Variants in CEP126 observed in about 807,000 individuals in gnomAD.
CEP126 encodes centrosomal protein of 126 kDa.
Under a neutral mutation model 107.8 loss-of-function variants are expected in CEP126, and 74 were observed. The ratio of observed to expected loss-of-function variants is 0.69; its 90% CI spans 0.57 to 0.83. The LOEUF (loss-of-function observed/expected upper bound fraction) is 0.83, where lower values mean the gene tolerates loss of function less well. Ranked by LOEUF, CEP126 falls within the 40% of genes least tolerant of loss-of-function variation. The pLI is 0.00. For missense variants in CEP126, 1,237 were observed against 1,281.9 expected (o/e 0.96, Z 0.53); for synonymous variants, 449 against 446.0 (o/e 1.01, Z -0.08).
chr11:101,986,182 C>T (rs1462444715), intron 8 of CEP126, among the ~76,000 whole-genome samples: 2 of 152,030 alleles, frequency 1.3e-5, no homozygotes, highest in African/African-American at 4.8e-5. Context: ...GAGGTTTCAC[C>T]ATGTTGGCCA....
At chr11:101,978,737 T>C (rs985377282) in intron 7 of CEP126, among the ~76,000 whole-genome samples, 2 of 152,176 alleles carry the variant, frequency 1.3e-5, no homozygotes, top group African/African-American at 4.8e-5. Flanking sequence ...TAGCCAATGC[T>C]GGAAAAAATG....
chr11:101,921,770 A>G (rs1365318204), intron 1 of CEP126, among the ~76,000 whole-genome samples: 7 of 130,936 alleles, frequency 5.3e-5, no homozygotes, highest in African/African-American at 1.7e-4. Context: ...TCTGAAGTTC[A>G]TGATTTCTTT....
intron 6 of CEP126, among the ~76,000 whole-genome samples, chr11:101,970,452 T>C (rs1373103366): frequency 3.3e-5 from 5 of 152,142 alleles, no homozygotes; most frequent in African/African-American, 1.2e-4. Context: ...GCTAGTAATA[T>C]TCAGTTTCTT....
At chr11:101,949,923 C>T (rs1279681401) in intron 4 of CEP126, among the ~76,000 whole-genome samples, 3 of 152,188 alleles carry the variant, frequency 2.0e-5, no homozygotes, top group Non-Finnish European at 4.4e-5. Context: ...ACTGCTAAAG[C>T]AAGCCCAGCA....
In CEP126 at chr11:101,986,864, G is replaced by C. The variant is rs759858774; in HGVS notation, c.3067G>C (p.Glu1023Gln). 9 of 1,613,838 alleles carry C rather than the reference G, an allele frequency of 5.6e-6. No individual in the cohort carries two copies. In the East Asian group the frequency reaches 8.9e-5, roughly 16 times the overall value. The change falls in exon 9 of 11, where the codon GAA becomes CAA. Residue 1023 changes from glutamate (E) to glutamine (Q), a missense_variant. Physicochemically the swap from Glu to Gln is conservative, Grantham distance 29. Around this residue, in one of 3 missense-constraint regions of CEP126, gnomAD observed 99 missense variants for 114.4 expected, o/e 0.87. Coordinates refer to ENST00000263468, the MANE Select transcript of CEP126 (RefSeq NM_020802.4). Reference sequence around the variant, plus strand: ...TAGTACTTCTGAGTTTTTGATGGCTGAAAACTTAGTGAAAGCATCAGTGCC... The same window carrying C: ...TAGTACTTCTGAGTTTTTGATGGCTCAAAACTTAGTGAAAGCATCAGTGCC... ...SDSTSEFLMA[E>Q]NLVKASVPED...
chr11:101,948,210 G>T, intron 4 of CEP126, 68 bp downstream of exon 4: 1 of 936,536 alleles, frequency 1.1e-6, no homozygotes, highest in Non-Finnish European at 1.6e-6. Context: ...TACTGTGCTT[G>T]TCAGCTTTTT....
chr11:101,971,590 T>C (rs1292613324), intron 6 of CEP126, among the ~76,000 whole-genome samples: 1 of 151,798 alleles, frequency 6.6e-6, no homozygotes, highest in East Asian at 2.0e-4. Context: ...GGGGACTCAC[T>C]GCGTTGCCCA....
intron 10 of CEP126, among the ~76,000 whole-genome samples, chr11:101,997,162 CG>C (rs1211607415): frequency 6.6e-6 from 1 of 152,126 alleles, no homozygotes; most frequent in African/African-American, 2.4e-5. Context: ...CTCAGCCTCC[CG>C]AGCAGCTGGG....
At chr11:101,952,584 T>G (rs1218519690) in intron 4 of CEP126, among the ~76,000 whole-genome samples, 1 of 152,164 alleles carries the variant, frequency 6.6e-6, no homozygotes, top group Admixed American at 6.5e-5. Context: ...TTTATCAAAA[T>G]GAGGACTACG....
chr11:101,948,043 C>G lies in CEP126; in HGVS notation c.407C>G (p.Pro136Arg). The G allele has an allele frequency of 1.2e-6, 2 of 1,607,426 alleles. No homozygotes were observed. The highest frequency in any genetic ancestry group is 1.1e-5 in the South Asian group (1 of 90,230). ...ATTATCTCTTTAGTTTCCCGAAAAC[C>G]AGTTCCTCCATTAGAAGAGGCCCTC... is the stretch of plus-strand genomic sequence containing the variant. ...SQRRKAVSRK[P>R]VPPLEEALKQ... is the part of the protein sequence containing the mutation. Residue 136 changes from proline (P) to arginine (R), a missense_variant, in exon 4 of 11, where the codon CCA becomes CGA. Around this residue, in one of 3 missense-constraint regions of CEP126, gnomAD observed 1,134 missense variants for 1,150.5 expected, o/e 0.99. Transcript: ENST00000263468.
chr11:101,934,935 C>G (rs1385915607), intron 2 of CEP126, among the ~76,000 whole-genome samples: 2 of 151,990 alleles, frequency 1.3e-5, no homozygotes, highest in Non-Finnish European at 2.9e-5. Flanking sequence ...ATTGGTAAGT[C>G]TTAGGGTATG....
chr11:101,971,867 G>C (rs546504787), intron 6 of CEP126, among the ~76,000 whole-genome samples: 1 of 152,194 alleles, frequency 6.6e-6, no homozygotes, highest in Non-Finnish European at 1.5e-5. Context: ...CCAGCACTTT[G>C]GGATGCCAAA....
intron 7 of CEP126, 80 bp downstream of exon 7, chr11:101,978,539 C>G: frequency 2.3e-6 from 2 of 871,222 alleles, no homozygotes; most frequent in Non-Finnish European, 3.8e-6. Context: ...GGACTATGCT[C>G]TTGCTGTAAA....
chr11:101,928,742 T>C (rs904147180), intron 2 of CEP126, among the ~76,000 whole-genome samples: 2 of 152,188 alleles, frequency 1.3e-5, no homozygotes, highest in African/African-American at 2.4e-5. Context: ...TCTGTTCTTT[T>C]TGTGTCTCTT....
intron 6 of CEP126, among the ~76,000 whole-genome samples, chr11:101,966,659 T>A (rs1941060553): frequency 6.6e-6 from 1 of 152,196 alleles, no homozygotes; most frequent in Non-Finnish European, 1.5e-5. Flanking sequence ...AACATCCTGA[T>A]CCCTCTCACT....
At chr11:101,925,358 G>A (rs1355268772) in intron 2 of CEP126, among the ~76,000 whole-genome samples, 5 of 152,160 alleles carry the variant, frequency 3.3e-5, no homozygotes, top group Non-Finnish European at 7.3e-5. Flanking sequence ...GTAAATACGT[G>A]AATGGGCATT....
chr11:102,000,877 T>G lies in CEP126; in HGVS notation c.*3234T>G, dbSNP rs1474704436. The G allele has an allele frequency of 6.6e-6, 1 of 152,178 alleles. No individual in the cohort carries two copies. The highest frequency in any genetic ancestry group is 1.5e-5 in the Non-Finnish European group (1 of 68,028). The allele number at this position is 152,178 out of a possible 1,614,324, so 9.4% of individuals were successfully genotyped here. ...CCATGAACTTATTTTAAATCCATAT[T>G]GTACCAGAATGACTATGTCTGTGTT... On this transcript the variant is annotated 3_prime_UTR_variant, in exon 11 of 11. Coordinates refer to ENST00000263468, the MANE Select transcript of CEP126 (RefSeq NM_020802.4).
chr11:101,975,376 C>T (rs749355706), intron 6 of CEP126, among the ~76,000 whole-genome samples: 51 of 152,128 alleles, frequency 3.4e-4, no homozygotes, highest in Admixed American at 2.6e-3. Flanking sequence ...CATATGTCTC[C>T]AAGGTCACAA....
chr11:101,963,376 C>A lies in CEP126; in HGVS notation c.2341C>A (p.Pro781Thr). ...CTNRKGAVIQ[P>T]QSASKVNIFT... ...AAACAGAAAAGGCGCTGTCATTCAA[C>A]CACAGTCTGCAAGCAAAGTCAACAT... The change falls in exon 6 of 11, where the codon CCA becomes ACA. Residue 781 changes from proline to threonine, a missense_variant. By Grantham distance (38) the Pro-to-Thr change is conservative (BLOSUM62 -1). Coordinates refer to ENST00000263468, the MANE Select transcript of CEP126 (RefSeq NM_020802.4). 6.2e-7 allele frequency: 1 copy of A among 1,614,104 alleles called. No homozygotes were observed. The highest frequency in any genetic ancestry group is 8.5e-7 in the Non-Finnish European group (1 of 1,180,024).
Sources: gnomAD v4.1 joint callset for allele counts (sites outside exome capture counted in the v4.1 genomes callset) on GRCh38, gnomAD v4.1.1 for gene constraint, gnomAD v4.1.1 regional missense constraint, MANE v1.5 for transcripts, NCBI Gene and HGNC (gene_info 2026-07-23, HGNC 2026-07-21) for gene names.